Variants in ODAD4 observed in about 807,000 individuals in gnomAD.
The protein encoded by ODAD4 is outer dynein arm docking complex subunit 4.
A neutral mutation model predicts 51.8 loss-of-function variants in ODAD4; 49 were observed. That is an observed-to-expected ratio of 0.95 (90% CI 0.75 to 1.20). The LOEUF (loss-of-function observed/expected upper bound fraction) is 1.20. Among genes scored for constraint, ODAD4 ranks in the 50% most tolerant of loss-of-function variants. ODAD4 has a pLI of 0.00. For missense variants in ODAD4, 590 were observed against 586.5 expected, an observed-to-expected ratio of 1.01 and a Z score of -0.06; for synonymous variants, 235 against 221.3, an observed-to-expected ratio of 1.06 and a Z score of -0.55.
At chr17:41,931,133 G>T (rs972749428) in intron 1 of ODAD4, among the ~76,000 whole-genome samples, 8 of 151,994 alleles carry the variant, frequency 5.3e-5, no homozygotes, top group African/African-American at 1.7e-4. Flanking sequence ...CTGACCTCGT[G>T]ATCCACCCGC....
intron 1 of ODAD4, 44 bp downstream of exon 1, chr17:41,930,881 C>CTTT (rs782820445): frequency 0.11 from 10,246 of 96,782 alleles, 2,181 homozygotes; most frequent in Non-Finnish European, 0.12. Context: ...TCACCCGTCA[C>CTTT]TTTTTTTTTT....
At chr17:41,946,882 G>A (rs1471785021) in intron 8 of ODAD4, among the ~76,000 whole-genome samples, 5 of 147,978 alleles carry the variant, frequency 3.4e-5, no homozygotes, top group Admixed American at 1.3e-4. Flanking sequence ...ACGGAGTCTC[G>A]CTCTGTCCCC....
intron 1 of ODAD4, among the ~76,000 whole-genome samples, chr17:41,932,165 G>A (rs1159887576): frequency 1.3e-5 from 2 of 151,922 alleles, no homozygotes; most frequent in Non-Finnish European, 2.9e-5. Context: ...CACCTCCCAG[G>A]TTCAAGCGAT....
intron 7 of ODAD4, among the ~76,000 whole-genome samples, chr17:41,941,112 G>T (rs868921131): frequency 6.6e-6 from 1 of 152,218 alleles, no homozygotes; most frequent in Non-Finnish European, 1.5e-5. Context: ...CAATGGCCAT[G>T]TCTTGTCCTG....
At chr17:41,931,825 A>T (rs2050344531) in intron 1 of ODAD4, among the ~76,000 whole-genome samples, 1 of 152,172 alleles carries the variant, frequency 6.6e-6, no homozygotes. Flanking sequence ...TACTGAGGTG[A>T]GCTGCTGCAC....
In ODAD4 at chr17:41,938,745, C is replaced by T; in HGVS notation, c.814C>T (p.His272Tyr). The change falls in exon 6 of 12, where the codon CAT becomes TAT. Residue 272 changes from histidine (H) to tyrosine (Y), a missense_variant. His to Tyr is a moderately conservative substitution (Grantham distance 83). This residue lies in a region of ODAD4 where 360 missense variants were observed against 407.5 expected (regional missense o/e 0.88). Transcript: ENST00000377540. ...CAAACGCCGTCCCTCACAGACAGCC[C>T]ATTACATCCTCAAGAGCCTGGAGGA... ...DHKRRPSQTAHYILKSLEDID... is the reference protein window; with the variant it reads ...DHKRRPSQTAYYILKSLEDID... The T allele has an allele frequency of 6.2e-7, 1 of 1,613,596 alleles. No homozygotes were observed. The highest frequency in any genetic ancestry group is 8.5e-7 in the Non-Finnish European group (1 of 1,179,886).
intron 7 of ODAD4, among the ~76,000 whole-genome samples, chr17:41,940,170 A>G (rs1267751267): frequency 3.3e-5 from 5 of 151,932 alleles, no homozygotes; most frequent in Admixed American, 6.6e-5. Context: ...TTGATCTCCC[A>G]TCATCCCATT....
intron 7 of ODAD4, among the ~76,000 whole-genome samples, chr17:41,944,221 T>TG (rs1185758801): frequency 6.8e-6 from 1 of 147,608 alleles, no homozygotes. Flanking sequence ...AAAAATTAGC[T>TG]GGGCGTGGTG....
intron 7 of ODAD4, among the ~76,000 whole-genome samples, chr17:41,944,561 G>T (rs2050560734): frequency 6.6e-6 from 1 of 151,916 alleles, no homozygotes; most frequent in Non-Finnish European, 1.5e-5. Context: ...AGGCCAAGGT[G>T]GGTAGATCAC....
At chr17:41,932,414 A>T (rs2050358832) in intron 1 of ODAD4, among the ~76,000 whole-genome samples, 2 of 152,198 alleles carry the variant, frequency 1.3e-5, no homozygotes, top group African/African-American at 4.8e-5. Context: ...AAGTTGAGCA[A>T]CATGCCCAAG....
At chr17:41,949,565 C>T (rs1434068424) in intron 9 of ODAD4, among the ~76,000 whole-genome samples, 2 of 152,194 alleles carry the variant, frequency 1.3e-5, no homozygotes, top group East Asian at 3.9e-4. Context: ...GAGCCTACCT[C>T]TGCCCTTGAG....
rs1046343474 is a variant in ODAD4, at chr17:41,946,911, C to T, written c.1145+1689C>T. 5.3e-5 allele frequency among the ~76,000 whole-genome samples: 8 copies of T among 151,704 alleles called. 1 individual carries two copies. Among genetic ancestry groups the T allele is most frequent in the Non-Finnish European group, 8.8e-5 (6 of 67,952 alleles). On this transcript the variant is annotated intron_variant, in intron 8 of 11. Coordinates refer to ENST00000377540, the MANE Select transcript of ODAD4 (RefSeq NM_031421.5). ...TGTCCCCCACGCTGGAGTGCAGTGGCGTGATCTCGGCTCACTGCAAGCTCC... is the reference window on the plus strand; with the variant it reads ...TGTCCCCCACGCTGGAGTGCAGTGGTGTGATCTCGGCTCACTGCAAGCTCC...
At position 41,955,230 on chromosome 17, in the gene ODAD4, C is replaced by T; in HGVS notation, c.1356C>T (p.Asp452=). Residue 452 remains aspartate (D), a synonymous_variant, in exon 10 of 12, where the codon GAC becomes GAT. Coordinates refer to ENST00000377540, the MANE Select transcript of ODAD4 (RefSeq NM_031421.5). ...LVAQAQVKLR[D]FESAVNNFEK... ...CTTGCTCTCCAGTGAAGCTGAGAGA[C>T]TTCGAGTCAGCCGTGAACAATTTTG... 2.6e-6 allele frequency: 2 copies of T among 778,602 alleles called. No individual in the cohort carries two copies. The highest frequency in any genetic ancestry group is 4.8e-6 in the Non-Finnish European group (2 of 416,998). The allele number at this position is 778,602 out of a possible 1,614,324, so 48.2% of individuals were successfully genotyped here.
intron 2 of ODAD4, 70 bp from the exon 3 acceptor site, chr17:41,935,529 T>TG (rs1555637609): frequency 5.7e-5 from 88 of 1,552,950 alleles, no homozygotes; most frequent in Non-Finnish European, 7.6e-5. Flanking sequence ...CCAGGACCCT[T>TG]CTGTTCCACC....
Position 41,965,297 on chromosome 17 carries a change from T to G in ODAD4, c.1833T>G (p.Ile611Met). 1 of 779,974 alleles carries G rather than the reference T, an allele frequency of 1.3e-6. No homozygotes were observed. The allele number at this position is 779,974 out of a possible 1,614,324, so 48.3% of individuals were successfully genotyped here. Reference protein sequence around the residue: ...LEAGRRESREIYRRPSGELEQ... With the variant: ...LEAGRRESREMYRRPSGELEQ... ...CTGGCAGAAGAGAGTCAAGAGAAATTTATAGGAGGCCTTCGGGAGAATTAG... is the reference window on the plus strand; with the variant it reads ...CTGGCAGAAGAGAGTCAAGAGAAATGTATAGGAGGCCTTCGGGAGAATTAG... Residue 611 changes from isoleucine to methionine, a missense_variant, in exon 12 of 12, where the codon ATT (isoleucine) becomes ATG (methionine). Ile to Met is a conservative substitution (Grantham distance 10). Around this residue, in one of 3 missense-constraint regions of ODAD4, gnomAD observed 226 missense variants for 162.7 expected, o/e 1.39. Transcript: ENST00000377540.
At chr17:41,960,330 AAC>A (rs1284327479) in intron 10 of ODAD4, among the ~76,000 whole-genome samples, 3 of 151,626 alleles carry the variant, frequency 2.0e-5, no homozygotes, top group African/African-American at 7.3e-5. Context: ...CAAACAAAAA[AAC>A]AGTTACTCAG....
chr17:41,943,320 C>T (rs1346312741), intron 7 of ODAD4, among the ~76,000 whole-genome samples: 1 of 152,164 alleles, frequency 6.6e-6, no homozygotes, highest in East Asian at 1.9e-4. Context: ...TGGCTCATGC[C>T]TGTAATTCCA....
chr17:41,946,761 C>G (rs1461683385), intron 8 of ODAD4, among the ~76,000 whole-genome samples: 1 of 152,244 alleles, frequency 6.6e-6, no homozygotes, highest in Non-Finnish European at 1.5e-5. Flanking sequence ...ATGGCAACCT[C>G]CACCTTCCAG....
chr17:41,954,671 C>G (rs1339796821), intron 9 of ODAD4, among the ~76,000 whole-genome samples: 2 of 151,832 alleles, frequency 1.3e-5, no homozygotes, highest in African/African-American at 2.4e-5. Context: ...ACCAACATGA[C>G]GAAACCCCAT....
Sources: gnomAD v4.1 joint callset for allele counts (sites outside exome capture counted in the v4.1 genomes callset) on GRCh38, gnomAD v4.1.1 for gene constraint, gnomAD v4.1.1 regional missense constraint, MANE v1.5 for transcripts, NCBI Gene and HGNC (gene_info 2026-07-23, HGNC 2026-07-21) for gene names.